The following HOXD3 variants were observed in gnomAD, a reference collection of about 807,000 sequenced individuals.
HOXD3 encodes homeobox D3, also known as homeobox protein Hox-D3.
HOXD3 carries 13 observed loss-of-function variants against 32.8 expected under a neutral mutation model. The ratio of observed to expected loss-of-function variants is 0.40; its 90% CI spans 0.26 to 0.63. The LOEUF (loss-of-function observed/expected upper bound fraction) is 0.63, where lower values mean the gene tolerates loss of function less well. Among genes scored for constraint, HOXD3 ranks in the 20% least tolerant of loss-of-function variants. The probability of loss-of-function intolerance (pLI) is 0.44; values close to 1 mark genes in which losing one functional copy is unlikely to be tolerated. For missense variants in HOXD3, 504 were observed against 577.1 expected, an observed-to-expected ratio of 0.87 and a Z score of 1.30; for synonymous variants, 241 against 246.8, an observed-to-expected ratio of 0.98 and a Z score of 0.22.
At chr2:176,153,106 C>G (rs761909515), upstream of HOXD3, 25 of 620,664 alleles carry the variant, frequency 4.0e-5, no homozygotes, top group Admixed American at 3.1e-4. Context: ...CCGAGGGCAG[C>G]CCCCTCCCTA....
At chr2:176,153,001 G>A, upstream of HOXD3, 3 of 1,545,606 alleles carry the variant, frequency 1.9e-6, no homozygotes, top group Non-Finnish European at 2.7e-6. Flanking sequence ...AGCTGCGGGG[G>A]CAGGCCGGGC....
rs1222494715 is a variant in HOXD3 at position 176,172,039 on chromosome 2, C to T, written c.1064C>T (p.Pro355Leu). 9.3e-6 allele frequency: 15 copies of T among 1,608,142 alleles called. No individual in the cohort carries two copies. The highest frequency in any genetic ancestry group is 1.3e-5 in the African/African-American group (1 of 74,912). ...GCCAGCGCCAACTTGCAGGGCAGCC[C>T]GGTGTACGTGGGCGGCAACTTCGTC... ...GFASANLQGS[P>L]VYVGGNFVES... is the part of the protein sequence containing the mutation. The change falls in exon 4 of 4, where the codon CCG becomes CTG. Residue 355 changes from proline (P) to leucine (L), a missense_variant. By Grantham distance (98) the Pro-to-Leu change is moderately conservative (BLOSUM62 -3). Transcript: ENST00000683222.
At chr2:176,170,907 G>T (rs1411766917) in intron 3 of HOXD3, among the ~76,000 whole-genome samples, 29 of 123,064 alleles carry the variant, frequency 2.4e-4, no homozygotes, top group African/African-American at 8.1e-4. Flanking sequence ...GTTTTTTTTT[G>T]TTTGTTTGTT....
intron 1 of HOXD3, among the ~76,000 whole-genome samples, chr2:176,163,261 T>G (rs939559655): frequency 2.0e-5 from 3 of 152,058 alleles, no homozygotes; most frequent in African/African-American, 4.8e-5. Context: ...CCGGGTGTAG[T>G]TTAGTGCTCG....
At chr2:176,168,566 TAAAAC>T (rs71879647) in intron 2 of HOXD3, among the ~76,000 whole-genome samples, 1 of 150,256 alleles carries the variant, frequency 6.7e-6, no homozygotes, top group Non-Finnish European at 1.5e-5. Context: ...AAATTCCATC[TAAAAC>T]AAAACAAAAC....
chr2:176,164,862 C>T (rs2105441930), intron 2 of HOXD3: 1 of 152,392 alleles, frequency 6.6e-6, no homozygotes, highest in South Asian at 2.1e-4. Context: ...GCCCCCTCAG[C>T]TTTTCCACTG....
chr2:176,171,382 G>T (rs1040069279), intron 3 of HOXD3, 135 bp from the exon 4 acceptor site: 5 of 798,262 alleles, frequency 6.3e-6, no homozygotes, highest in Non-Finnish European at 9.6e-6. Context: ...CCTCTCAAAC[G>T]GCCCTTCCCC....
At chr2:176,171,126 G>T (rs993209895) in intron 3 of HOXD3, among the ~76,000 whole-genome samples, 3 of 152,104 alleles carry the variant, frequency 2.0e-5, no homozygotes, top group Admixed American at 6.5e-5. Context: ...TGGCAGCAGA[G>T]GCTGGGAGGA....
In HOXD3 at chr2:176,167,686, C is replaced by CTTTTT. The variant is rs56761217; in HGVS notation, c.-84-1320_-84-1316dup. Among the ~76,000 whole-genome samples, 12 of 108,896 alleles carry CTTTTT rather than the reference C, an allele frequency of 1.1e-4. No individual in the cohort carries two copies. In the East Asian group the frequency reaches 2.4e-3, roughly 22 times the overall value. 71.4% of individuals were successfully genotyped at this position (108,896 alleles called of 152,430 possible). A position where few individuals can be genotyped will look rare whatever the true frequency, so the allele number is the denominator to read the frequency against. ...TTTTGAAACCAGGTGGGGGGAGACC[C>CTTTTT]TTTTTTTTTTTTTTTTTTTTTTTTT... On this transcript the variant is annotated intron_variant, in intron 2 of 3. Transcript: ENST00000683222.
Position 176,171,766 on chromosome 2 carries a change from G to C in HOXD3, c.791G>C (p.Ser264Thr), listed in dbSNP as rs761809417. The change falls in exon 4 of 4, where the codon AGC becomes ACC. Residue 264 changes from serine to threonine, a missense_variant. Coordinates refer to ENST00000683222, the MANE Select transcript of HOXD3 (RefSeq NM_006898.5). ...KAKGILHSPA[S>T]QSPERSPPLG... ...AAGGGCATCCTGCACTCGCCGGCTA[G>C]CCAGTCCCCTGAGCGCAGCCCACCG... is the stretch of plus-strand genomic sequence containing the variant. 11 of 1,613,974 alleles carry C rather than the reference G, an allele frequency of 6.8e-6. No homozygotes were observed. Among genetic ancestry groups the C allele is most frequent in the Non-Finnish European group, 8.5e-6 (10 of 1,180,044 alleles).
intron 2 of HOXD3, among the ~76,000 whole-genome samples, chr2:176,166,410 A>G (rs1326963258): frequency 1.3e-5 from 2 of 152,248 alleles, no homozygotes; most frequent in African/African-American, 4.8e-5. Context: ...ATGACAGAGC[A>G]GCAGCAAGTT....
At chr2:176,163,291 A>G (rs1690863368) in intron 1 of HOXD3, among the ~76,000 whole-genome samples, 1 of 151,716 alleles carries the variant, frequency 6.6e-6, no homozygotes. Context: ...GAGTCGACAA[A>G]TTGCACAGGG....
At chr2:176,168,206 C>T (rs1206118452) in intron 2 of HOXD3, among the ~76,000 whole-genome samples, 2 of 134,196 alleles carry the variant, frequency 1.5e-5, no homozygotes, top group East Asian at 2.2e-4. Flanking sequence ...GGGAGGATCA[C>T]AAGAGCCCAG....
Position 176,172,376 on chromosome 2 carries a change from C to T in HOXD3, c.*102C>T. The T allele has an allele frequency of 8.3e-7, 1 of 1,200,994 alleles. No individual in the cohort carries two copies. Among genetic ancestry groups the T allele is most frequent in the South Asian group, 1.6e-5 (1 of 63,252 alleles). The allele number at this position is 1,200,994 out of a possible 1,614,324, so 74.4% of individuals were successfully genotyped here. On this transcript the variant is annotated 3_prime_UTR_variant, in exon 4 of 4. Coordinates refer to ENST00000683222, the MANE Select transcript of HOXD3 (RefSeq NM_006898.5). ...GGCAGTTCGGGAACCCCCTTCCCCG[C>T]TCTTGCCCTGCCGCCGCCTCCCGGG... is the stretch of plus-strand genomic sequence containing the variant.
At position 176,169,051 on chromosome 2, in the gene HOXD3, C is replaced by T. The variant is rs72927183; in HGVS notation, c.-64C>T. ...GACAGGTCACCTGGAGCCTGGGGGCCGGCCCAGCTCTCTCAGGATTCAGCA... is the reference window on the plus strand; with the variant it reads ...GACAGGTCACCTGGAGCCTGGGGGCTGGCCCAGCTCTCTCAGGATTCAGCA... On this transcript the variant is annotated 5_prime_UTR_variant, in exon 3 of 4. Transcript: ENST00000683222. 438,772 of 1,524,794 alleles carry T rather than the reference C, an allele frequency of 0.29. 66,883 individuals are homozygous for T. Among genetic ancestry groups the T allele is most frequent in the Non-Finnish European group, 0.31 (357,571 of 1,136,546 alleles). 94.5% of individuals were successfully genotyped at this position (1,524,794 alleles called of 1,614,324 possible).
At chr2:176,165,617 A>T in intron 2 of HOXD3, 1 of 152,260 alleles carries the variant, frequency 6.6e-6, no homozygotes, top group East Asian at 1.9e-4. Context: ...GCGCCGGCGG[A>T]GTTTGGGGAG....
In HOXD3 at chr2:176,167,848, C is replaced by G. The variant is rs1476790148; in HGVS notation, c.-84-1183C>G. ...AAGCATTTATTGCACTAACTACATG[C>G]AGGGCACTGTGCTGGATGTTAGGAA... On this transcript the variant is annotated intron_variant, in intron 2 of 3. Transcript: ENST00000683222. 6.6e-5 allele frequency among the ~76,000 whole-genome samples: 10 copies of G among 152,110 alleles called. No individual in the cohort carries two copies. In the East Asian group the frequency reaches 1.9e-3, roughly 29 times the overall value.
upstream of HOXD3, chr2:176,152,951 A>G: frequency 1.2e-5 from 20 of 1,613,142 alleles, no homozygotes; most frequent in Non-Finnish European, 1.6e-5. This position sits in a 1 kb window ranked among gnomAD's most constrained non-coding sequence, Gnocchi z 5.2. Flanking sequence ...AGAAGTGGGG[A>G]CCCTGGGCCC....
chr2:176,152,560 C>A, upstream of HOXD3: 1 of 1,506,784 alleles, frequency 6.6e-7, no homozygotes, highest in Non-Finnish European at 9.2e-7. This position sits in a 1 kb window ranked among gnomAD's most constrained non-coding sequence, Gnocchi z 5.2. Context: ...AGGGGCCTAA[C>A]TAGTGGCCGG....
Sources: gnomAD v4.1 joint callset for allele counts (sites outside exome capture counted in the v4.1 genomes callset) on GRCh38, gnomAD v4.1.1 for gene constraint, Gnocchi (gnomAD v3.1) non-coding constraint, MANE v1.5 for transcripts, NCBI Gene and HGNC (gene_info 2026-07-23, HGNC 2026-07-21) for gene names.